GALNT7: variants seen among roughly 807,000 people sequenced by gnomAD.
GALNT7 encodes the protein N-acetylgalactosaminyltransferase 7.
GALNT7 carries 60 observed loss-of-function variants against 82.1 expected under a neutral mutation model. That is an observed-to-expected ratio of 0.73 (90% CI 0.59 to 0.91). The LOEUF (loss-of-function observed/expected upper bound fraction) is 0.91, where lower values mean the gene tolerates loss of function less well. Among genes scored for constraint, GALNT7 ranks in the 40% least tolerant of loss-of-function variants. The pLI, the probability that GALNT7 is intolerant of heterozygous loss-of-function variation, is 0.00. For missense variants in GALNT7, 660 were observed against 804.2 expected (o/e 0.82, Z 2.17); for synonymous variants, 243 against 275.1 (o/e 0.88, Z 1.15).
Position 173,313,939 on chromosome 4 carries a change from ATATATT to A in GALNT7, c.1390-17_1390-12del. 9.4e-7 allele frequency: 1 copy of A among 1,064,838 alleles called. No homozygotes were observed. Among genetic ancestry groups the A allele is most frequent in the Non-Finnish European group, 1.4e-6 (1 of 721,940 alleles). The allele number at this position is 1,064,838 out of a possible 1,614,324, so 66.0% of individuals were successfully genotyped here. ...TGTATTTTTATAACGATATATATATATATATTTTTTTTTTACAGAATTATGTTAGAG... is the reference window on the plus strand; with the variant it reads ...TGTATTTTTATAACGATATATATATATTTTTTTTACAGAATTATGTTAGAG... On this transcript the variant is annotated splice_polypyrimidine_tract_variant and intron_variant, in intron 8 of 11. Coordinates refer to ENST00000265000, the MANE Select transcript of GALNT7 (RefSeq NM_017423.3).
chr4:173,288,041 T>G (rs1328285498), intron 2 of GALNT7, among the ~76,000 whole-genome samples: 1 of 151,906 alleles, frequency 6.6e-6, no homozygotes, highest in African/African-American at 2.4e-5. Flanking sequence ...CCCAGCACTT[T>G]GGGAGGCCGA....
At chr4:173,174,714 C>A (rs1290884880) in intron 1 of GALNT7, among the ~76,000 whole-genome samples, 1 of 152,092 alleles carries the variant, frequency 6.6e-6, no homozygotes, top group Non-Finnish European at 1.5e-5. Flanking sequence ...GTGGGGAGAG[C>A]TATTGCTTAA....
At chr4:173,171,968 C>A (rs1179677448) in intron 1 of GALNT7, among the ~76,000 whole-genome samples, 1 of 152,134 alleles carries the variant, frequency 6.6e-6, no homozygotes, top group African/African-American at 2.4e-5. Context: ...TTAGCAGTAG[C>A]AAATCCACAC....
intron 1 of GALNT7, 139 bp from the exon 2 acceptor site, chr4:173,247,841 C>A: frequency 1.7e-6 from 1 of 593,782 alleles, no homozygotes; most frequent in Non-Finnish European, 3.0e-6. Flanking sequence ...ATGGGAAGTC[C>A]TGATTAATGG....
chr4:173,188,956 G>A (rs1732538517), intron 1 of GALNT7, among the ~76,000 whole-genome samples: 1 of 152,142 alleles, frequency 6.6e-6, no homozygotes, highest in African/African-American at 2.4e-5. Flanking sequence ...AGTAGCCCCT[G>A]GCCTTACTGC....
At chr4:173,203,084 A>T (rs28557221) in intron 1 of GALNT7, among the ~76,000 whole-genome samples, 42 of 149,694 alleles carry the variant, frequency 2.8e-4, no homozygotes, top group African/African-American at 1.0e-3. Flanking sequence ...TCTGTTATGG[A>T]CAGCAATAGT....
intron 1 of GALNT7, among the ~76,000 whole-genome samples, chr4:173,243,480 G>A (rs992395652): frequency 3.9e-5 from 6 of 152,148 alleles, no homozygotes; most frequent in Admixed American, 1.3e-4. Context: ...TGGTGTTTAC[G>A]AAGGTATCAT....
chr4:173,291,132 C>T (rs1356320951), intron 2 of GALNT7, among the ~76,000 whole-genome samples: 1 of 152,112 alleles, frequency 6.6e-6, no homozygotes, highest in Non-Finnish European at 1.5e-5. Context: ...TTCTGGTGTC[C>T]GTTGTAAATC....
In GALNT7 at chr4:173,216,032, G is replaced by A. The variant is rs185856039; in HGVS notation, c.127-31948G>A. On this transcript the variant is annotated intron_variant, in intron 1 of 11. Coordinates refer to ENST00000265000, the MANE Select transcript of GALNT7 (RefSeq NM_017423.3). Reference sequence around the variant, plus strand: ...CCAGCTACTTGGGAGGCTGAGGTGGGAGGATGGCTTGAGCCTGAAAAGCAG... The same window carrying A: ...CCAGCTACTTGGGAGGCTGAGGTGGAAGGATGGCTTGAGCCTGAAAAGCAG... 6.3e-3 allele frequency among the ~76,000 whole-genome samples: 953 copies of A among 152,268 alleles called. 7 individuals are homozygous for A. Among genetic ancestry groups the A allele is most frequent in the African/African-American group, 0.022 (916 of 41,548 alleles).
chr4:173,306,440 G>T (rs1179558299), intron 8 of GALNT7, among the ~76,000 whole-genome samples: 1 of 152,148 alleles, frequency 6.6e-6, no homozygotes, highest in African/African-American at 2.4e-5. Context: ...TCCTTGTCTT[G>T]TTCTTAATTG....
chr4:173,248,124 G>A lies in GALNT7; in HGVS notation c.271G>A (p.Ala91Thr). 1 of 1,613,832 alleles carries A rather than the reference G, an allele frequency of 6.2e-7. No individual in the cohort carries two copies. The highest frequency in any genetic ancestry group is 1.1e-5 in the South Asian group (1 of 91,078). The change falls in exon 2 of 12, where the codon GCC becomes ACC. Residue 91 changes from alanine to threonine, a missense_variant. By Grantham distance (58) the Ala-to-Thr change is moderately conservative (BLOSUM62 0). This residue lies in a region of GALNT7 where 133 missense variants were observed against 120.7 expected (regional missense o/e 1.10). Coordinates refer to ENST00000265000, the MANE Select transcript of GALNT7 (RefSeq NM_017423.3). ...DLESIRRINKAKNEQEHHAGG... is the reference protein window; with the variant it reads ...DLESIRRINKTKNEQEHHAGG... The stretch of plus-strand genomic sequence containing the variant: ...AGAGTCTATTAGAAGAATAAACAAG[G>A]CCAAAAATGAACAAGAGCACCATGC...
At chr4:173,172,637 C>T (rs970165186) in intron 1 of GALNT7, among the ~76,000 whole-genome samples, 2 of 152,114 alleles carry the variant, frequency 1.3e-5, no homozygotes, top group African/African-American at 4.8e-5. Context: ...GTCTGCCTAG[C>T]TGCCTACTCT....
intron 2 of GALNT7, among the ~76,000 whole-genome samples, chr4:173,259,428 C>CT (rs528037298): frequency 0.027 from 3,805 of 141,708 alleles, 72 homozygotes; most frequent in East Asian, 0.057. Flanking sequence ...CCTCCTCCCG[C>CT]TTTTTTTTTT....
At chr4:173,237,113 T>C in intron 1 of GALNT7, among the ~76,000 whole-genome samples, 1 of 152,248 alleles carries the variant, frequency 6.6e-6, no homozygotes, top group East Asian at 1.9e-4. Flanking sequence ...AATGGATTTC[T>C]AGTCGTGCCA....
intron 8 of GALNT7, among the ~76,000 whole-genome samples, chr4:173,309,026 T>C (rs1737272427): frequency 6.6e-6 from 1 of 152,206 alleles, no homozygotes; most frequent in Non-Finnish European, 1.5e-5. Flanking sequence ...ATGCCATAAA[T>C]ATAGAACTAG....
chr4:173,245,725 A>T (rs1447637025), intron 1 of GALNT7, among the ~76,000 whole-genome samples: 2 of 152,200 alleles, frequency 1.3e-5, no homozygotes, highest in Non-Finnish European at 1.5e-5. Context: ...GAGCCAGGAG[A>T]TAAATTGGAG....
At chr4:173,241,550 T>G (rs550147128) in intron 1 of GALNT7, among the ~76,000 whole-genome samples, 1 of 152,362 alleles carries the variant, frequency 6.6e-6, no homozygotes, top group South Asian at 2.1e-4. Flanking sequence ...TGAGATTTAT[T>G]GAGAGGCTCT....
intron 1 of GALNT7, among the ~76,000 whole-genome samples, chr4:173,181,924 GC>G (rs1186591043): frequency 6.6e-6 from 1 of 152,186 alleles, no homozygotes; most frequent in African/African-American, 2.4e-5. Flanking sequence ...TGTTTGATCA[GC>G]CTATACACTA....
intron 1 of GALNT7, among the ~76,000 whole-genome samples, chr4:173,192,771 G>A (rs754677063): frequency 6.6e-6 from 1 of 152,264 alleles, no homozygotes; most frequent in East Asian, 1.9e-4. Context: ...AGACACATGC[G>A]TTTCATTTTA....
Sources: gnomAD v4.1 joint callset for allele counts (sites outside exome capture counted in the v4.1 genomes callset) on GRCh38, gnomAD v4.1.1 for gene constraint, gnomAD v4.1.1 regional missense constraint, MANE v1.5 for transcripts, NCBI Gene and HGNC (gene_info 2026-07-23, HGNC 2026-07-21) for gene names.